A2ML1: variants seen among roughly 807,000 people sequenced by gnomAD.
The protein encoded by A2ML1 is alpha-2-macroglobulin like 1, also known as alpha-2-macroglobulin-like protein 1.
A neutral mutation model predicts 181.9 loss-of-function variants in A2ML1; 161 were observed. That is an observed-to-expected ratio of 0.89 (90% confidence interval 0.78 to 1.01). The LOEUF is 1.01. Among genes scored for constraint, A2ML1 ranks in the 50% least tolerant of loss-of-function variants. The probability of loss-of-function intolerance (pLI) is 0.00; values close to 1 mark genes in which losing one functional copy is unlikely to be tolerated. For missense variants in A2ML1, 1,670 were observed against 1,768.1 expected (o/e 0.94, Z 1.00); for synonymous variants, 663 against 666.8 (o/e 0.99, Z 0.09).
At chr12:8,863,644 A>T in intron 28 of A2ML1, 150 bp from the exon 29 acceptor site, 1 of 665,864 alleles carries the variant, frequency 1.5e-6, no homozygotes, top group Non-Finnish European at 2.5e-6. Context: ...CATCAAGGTC[A>T]ATTAATCAGC....
intron 6 of A2ML1, 113 bp downstream of exon 6, chr12:8,835,779 C>T (rs1287947580): frequency 1.9e-5 from 27 of 1,394,366 alleles, no homozygotes; most frequent in Admixed American, 8.6e-5. Context: ...TTTGGGAGGC[C>T]GAGGCGGGCA....
downstream of A2ML1, among the ~76,000 whole-genome samples, chr12:8,881,491 CCTT>C (rs1472698794): frequency 6.6e-6 from 1 of 152,164 alleles, no homozygotes; most frequent in Admixed American, 6.6e-5. Flanking sequence ...AAGTTATTCT[CCTT>C]CTCCTGATAT....
rs748686815 is a variant in A2ML1 at position 8,836,292 on chromosome 12, G to A, written c.681G>A (p.Lys227=). Reference sequence around the variant, plus strand: ...TTAAGGTGGAAGTGGTGGAACCCAAGGAGTTATCAACGGTGCAGGAATCTT... The same window carrying A: ...TTAAGGTGGAAGTGGTGGAACCCAAAGAGTTATCAACGGTGCAGGAATCTT... ...PKFKVEVVEP[K]ELSTVQESFL... The change falls in exon 7 of 36, where the codon AAG becomes AAA. Residue 227 remains lysine (K), a synonymous_variant. Coordinates refer to ENST00000299698, the MANE Select transcript of A2ML1 (RefSeq NM_144670.6). 222 of 1,614,052 alleles carry A rather than the reference G, an allele frequency of 1.4e-4. 1 individual carries two copies. In the South Asian group the frequency reaches 2.3e-3, roughly 17 times the overall value.
At chr12:8,859,808 C>T (rs1253423476) in intron 26 of A2ML1, among the ~76,000 whole-genome samples, 1 of 152,012 alleles carries the variant, frequency 6.6e-6, no homozygotes, top group East Asian at 1.9e-4. Context: ...TCAAGTGATC[C>T]ACCCGCCTTG....
rs1390001015 is a variant in A2ML1, at chr12:8,884,236, T to TG, written c.*95-2271_*95-2270insG. 2.3e-3 allele frequency among the ~76,000 whole-genome samples: 332 copies of TG among 143,790 alleles called. 4 individuals carry two copies. Among genetic ancestry groups the TG allele is most frequent in the African/African-American group, 8.0e-3 (302 of 37,554 alleles). 94.3% of individuals were successfully genotyped at this position (143,790 alleles called of 152,430 possible). A position where few individuals can be genotyped will look rare whatever the true frequency, so the allele number is the denominator to read the frequency against. The stretch of plus-strand genomic sequence containing the variant: ...AATTCTTTTTTTTATTTTTTGTTTT[T>TG]TTTTGTTTTGTTTTTTTTTAACTAT... On this transcript the variant is annotated intron_variant and NMD_transcript_variant, in intron 7 of 7. Transcript: ENST00000537475.
At position 8,860,888 on chromosome 12, in the gene A2ML1, T is replaced by C. The variant is rs61736726; in HGVS notation, c.3272T>C (p.Val1091Ala). Residue 1091 changes from valine (V) to alanine (A), a missense_variant, in exon 27 of 36, where the codon GTT (valine) becomes GCT (alanine). Transcript: ENST00000299698. The part of the protein sequence containing the change: ...NLLHTAMKGG[V>A]DDEVSLTAYV... ...CTCCCTGTTTGCCTCTAGGGTGGTG[T>C]TGATGATGAGGTCTCCTTGACTGCG... 2.3e-3 allele frequency: 3,638 copies of C among 1,614,078 alleles called. 77 individuals are homozygous for C. In the African/African-American group the frequency reaches 0.043, roughly 19 times the overall value.
chr12:8,841,697 C>T (rs1943486346), intron 11 of A2ML1, among the ~76,000 whole-genome samples, 161 bp downstream of exon 11: 1 of 152,152 alleles, frequency 6.6e-6, no homozygotes, highest in South Asian at 2.1e-4. Flanking sequence ...TAGATGCTTT[C>T]TGTTTTTAAT....
At chr12:8,864,655 T>C (rs1944379628) in intron 29 of A2ML1, among the ~76,000 whole-genome samples, 1 of 15,062 alleles carries the variant, frequency 6.6e-5, no homozygotes, top group African/African-American at 7.1e-5. Flanking sequence ...CCAAGATTCA[T>C]GGGCACATAT....
rs1278015043 is a variant in A2ML1, at chr12:8,835,671, G to A, written c.643+5G>A. ...CTTTCAGTGTGGAGGAATATGGTAGGTGGGGAAATGGACAGGCCAAAGTAT... is the reference window on the plus strand; with the variant it reads ...CTTTCAGTGTGGAGGAATATGGTAGATGGGGAAATGGACAGGCCAAAGTAT... On this transcript the variant is annotated splice_donor_5th_base_variant and intron_variant, in intron 6 of 35. Coordinates refer to ENST00000299698, the MANE Select transcript of A2ML1 (RefSeq NM_144670.6). 2 of 1,614,042 alleles carry A rather than the reference G, an allele frequency of 1.2e-6. No individual in the cohort carries two copies. The highest frequency in any genetic ancestry group is 2.2e-5 in the East Asian group (1 of 44,872).
intron 7 of A2ML1, among the ~76,000 whole-genome samples, chr12:8,837,158 T>G (rs769414272): frequency 5.3e-5 from 8 of 152,224 alleles, no homozygotes; most frequent in African/African-American, 1.7e-4. Context: ...AAGCTGGGAT[T>G]ACAGGTGTGA....
chr12:8,851,418 T>G (rs1053147247), intron 18 of A2ML1, among the ~76,000 whole-genome samples: 2 of 151,872 alleles, frequency 1.3e-5, no homozygotes, highest in Admixed American at 6.6e-5. Flanking sequence ...TGTAGCTTTT[T>G]TTTTTTGGAC....
chr12:8,874,199 A>T lies in A2ML1; in HGVS notation c.4222-226A>T, dbSNP rs189825086. On this transcript the variant is annotated intron_variant, in intron 33 of 35. Coordinates refer to ENST00000299698, the MANE Select transcript of A2ML1 (RefSeq NM_144670.6). ...CCCGACTAATTTTTGTATTTTTAGT[A>T]GAGATGGGGTTTCACCATGTTGGCC... 3.9e-5 allele frequency among the ~76,000 whole-genome samples: 6 copies of T among 152,128 alleles called. No individual in the cohort carries two copies. In the East Asian group the frequency reaches 1.2e-3, roughly 29 times the overall value.
rs771516047 is a variant in A2ML1, at chr12:8,868,636, C to T, written c.4152+9C>T. ...AGGGCACCAATCAGTTAGTAAGTTA[C>T]TTCTGTTTTCTTCATTTATCTAGCT... On this transcript the variant is annotated intron_variant, in intron 32 of 35. Transcript: ENST00000299698. The T allele has an allele frequency of 1.2e-6, 2 of 1,609,464 alleles. No homozygotes were observed. The highest frequency in any genetic ancestry group is 1.7e-6 in the Non-Finnish European group (2 of 1,178,150).
chr12:8,827,556 TC>T (rs1942969696), intron 3 of A2ML1, among the ~76,000 whole-genome samples: 1 of 152,236 alleles, frequency 6.6e-6, no homozygotes, highest in South Asian at 2.1e-4. Flanking sequence ...TTTTGAATTC[TC>T]GATCTGAAAG....
rs1565475188 is a variant in A2ML1, at chr12:8,845,497, AG to A, written c.1533del (p.Gly513AspfsTer2). The A allele has an allele frequency of 1.2e-6, 2 of 1,614,186 alleles. No homozygotes were observed. Among genetic ancestry groups the A allele is most frequent in the Non-Finnish European group, 1.7e-6 (2 of 1,180,004 alleles). On this transcript the variant is annotated frameshift_variant, in exon 13 of 36. Transcript: ENST00000299698. LOFTEE classifies it high-confidence loss of function. Reference sequence around the variant, plus strand: ...GGGCAGAAACACCTGAACTCTAAGAAGAAAGGTGAGTGTACATGCTTTTCCC... The same window carrying A: ...GGGCAGAAACACCTGAACTCTAAGAAAAAGGTGAGTGTACATGCTTTTCCC... ...MEGQKHLNSKKKGLKASFSLS... is the reference protein window; with the variant it reads ...MEGQKHLNSKXKGLKASFSLS...
intron 14 of A2ML1, among the ~76,000 whole-genome samples, chr12:8,846,700 A>G (rs1943697529): frequency 6.6e-6 from 1 of 151,952 alleles, no homozygotes; most frequent in Non-Finnish European, 1.5e-5. Flanking sequence ...AATCCCAGCT[A>G]CTTGGGAGGC....
rs975437311 is a variant in A2ML1 at position 8,857,687 on chromosome 12, C to A, written c.3107+99C>A. On this transcript the variant is annotated intron_variant, in intron 25 of 35. Transcript: ENST00000299698. ...ACCTCTCCCCTTAACCCCTTTCCTTCTTGCACTCAGTCTTCTACCTCTTTA... is the reference window on the plus strand; with the variant it reads ...ACCTCTCCCCTTAACCCCTTTCCTTATTGCACTCAGTCTTCTACCTCTTTA... The A allele has an allele frequency of 7.5e-6, 10 of 1,340,490 alleles. No homozygotes were observed. In the African/African-American group the frequency reaches 1.3e-4, roughly 17 times the overall value. 83.0% of individuals were successfully genotyped at this position (1,340,490 alleles called of 1,614,324 possible).
chr12:8,840,978 A>AGAAGGAAGGAAAGAAGGAAGGAAGGAAG (rs1943452383), intron 10 of A2ML1, among the ~76,000 whole-genome samples: 6 of 125,368 alleles, frequency 4.8e-5, no homozygotes, highest in African/African-American at 1.6e-4. Flanking sequence ...AAGGAAGGAA[A>AGAAGGAAGGAAAGAAGGAAGGAAGGAAG]GAAGGAAGGA....
intron 6 of A2ML1, 49 bp downstream of exon 6, chr12:8,835,715 A>C: frequency 6.2e-7 from 1 of 1,606,972 alleles, no homozygotes; most frequent in Non-Finnish European, 8.5e-7. Context: ...ATCTCATCTT[A>C]AAATCAGCAA....
Sources: gnomAD v4.1 joint callset for allele counts (sites outside exome capture counted in the v4.1 genomes callset) on GRCh38, gnomAD v4.1.1 for gene constraint, MANE v1.5 for transcripts, NCBI Gene and HGNC (gene_info 2026-07-23, HGNC 2026-07-21) for gene names.